ADGRL3: variants seen among roughly 807,000 people sequenced by gnomAD.
ADGRL3 encodes adhesion G protein-coupled receptor L3.
A neutral mutation model predicts 153.5 loss-of-function variants in ADGRL3; 62 were observed. The observed-to-expected ratio is 0.40, with a 90% CI of 0.33 to 0.50. ADGRL3 has a LOEUF of 0.50. Ranked by LOEUF, ADGRL3 falls within the 20% of genes least tolerant of loss-of-function variation. The pLI is 0.47. For missense variants in ADGRL3, 1,641 were observed against 1,859.4 expected (o/e 0.88, Z 2.16); for synonymous variants, 710 against 672.5 (o/e 1.06, Z -0.86).
chr4:61,587,215 T>A lies in ADGRL3; in HGVS notation c.260-12T>A. 1 of 1,584,784 alleles carries A rather than the reference T, an allele frequency of 6.3e-7. No individual in the cohort carries two copies. On this transcript the variant is annotated splice_polypyrimidine_tract_variant and intron_variant, in intron 4 of 26. Coordinates refer to ENST00000683033, the MANE Select transcript of ADGRL3 (RefSeq NM_001387552.1). ...ACGATGGCATCTCTTTTCTTCCTCT[T>A]CCTTTTGGCAGCTTTCAGCCGTGCC...
rs185190845 is a variant in ADGRL3, at chr4:61,401,422, A to G, written c.-174+18233A>G. 6.3e-3 allele frequency among the ~76,000 whole-genome samples: 964 copies of G among 152,118 alleles called. 2 individuals are homozygous for G. The highest frequency in any genetic ancestry group is 0.011 in the Non-Finnish European group (765 of 67,924). ...ATTACATTCCAGTGTGATTTTAAATAAAAATGAAATATTTAGTATGTAATG... is the reference window on the plus strand; with the variant it reads ...ATTACATTCCAGTGTGATTTTAAATGAAAATGAAATATTTAGTATGTAATG... On this transcript the variant is annotated intron_variant, in intron 2 of 26. Coordinates refer to ENST00000683033, the MANE Select transcript of ADGRL3 (RefSeq NM_001387552.1).
chr4:61,516,074 T>C (rs1405784213), intron 3 of ADGRL3, among the ~76,000 whole-genome samples: 1 of 152,156 alleles, frequency 6.6e-6, no homozygotes, highest in African/African-American at 2.4e-5. Context: ...TGTCTCAGAC[T>C]TATATTTTAA....
In ADGRL3 at chr4:61,215,083, A is replaced by G. The variant is rs189706254; in HGVS notation, c.-240+13318A>G. Among the ~76,000 whole-genome samples, 186 of 152,350 alleles carry G rather than the reference A, an allele frequency of 1.2e-3. 3 individuals carry two copies. The highest frequency in any genetic ancestry group is 1.2e-3 in the Non-Finnish European group (79 of 68,028). On this transcript the variant is annotated intron_variant, in intron 1 of 26. Transcript: ENST00000683033. ...TACCTACTGAATTTGATTTCATTGTAGTTCATTCTTTGTTCTGAGAGACTT... is the reference window on the plus strand; with the variant it reads ...TACCTACTGAATTTGATTTCATTGTGGTTCATTCTTTGTTCTGAGAGACTT...
At chr4:61,762,106 A>C (rs562512344) in intron 8 of ADGRL3, among the ~76,000 whole-genome samples, 6 of 152,178 alleles carry the variant, frequency 3.9e-5, no homozygotes, top group Non-Finnish European at 7.3e-5. Flanking sequence ...ATTGTCTGTA[A>C]ATGACAAAAG....
intron 1 of ADGRL3, among the ~76,000 whole-genome samples, chr4:61,369,461 G>C (rs2096476988): frequency 2.0e-5 from 3 of 152,036 alleles, no homozygotes; most frequent in African/African-American, 7.2e-5. Context: ...TTTTGTCAAA[G>C]GCCTTTTCTG....
At chr4:61,822,150 G>A (rs917662128) in intron 9 of ADGRL3, among the ~76,000 whole-genome samples, 6 of 152,164 alleles carry the variant, frequency 3.9e-5, no homozygotes, top group Non-Finnish European at 5.9e-5. Flanking sequence ...GAATACAAAC[G>A]AAACTTGCAT....
chr4:61,995,434 T>C (rs2151028210), intron 19 of ADGRL3, among the ~76,000 whole-genome samples: 1 of 152,280 alleles, frequency 6.6e-6, no homozygotes, highest in African/African-American at 2.4e-5. Flanking sequence ...TCCATGTTTA[T>C]ATTATATAGC....
chr4:61,819,799 ATACT>A (rs1368546880), intron 9 of ADGRL3, among the ~76,000 whole-genome samples: 5 of 152,054 alleles, frequency 3.3e-5, no homozygotes, highest in East Asian at 3.9e-4. Flanking sequence ...GGATTACTTG[ATACT>A]TACTTTTTAT....
intron 1 of ADGRL3, among the ~76,000 whole-genome samples, chr4:61,216,353 GTTTT>G (rs1279976757): frequency 6.6e-6 from 1 of 152,056 alleles, no homozygotes; most frequent in South Asian, 2.1e-4. Flanking sequence ...ATTTGGTATA[GTTTT>G]TTATCTCAGC....
At chr4:61,487,283 A>G (rs2098206333) in intron 2 of ADGRL3, among the ~76,000 whole-genome samples, 2 of 151,962 alleles carry the variant, frequency 1.3e-5, no homozygotes. Flanking sequence ...AAGTTCTTTA[A>G]CTCTCCATCC....
rs187102122 is a variant in ADGRL3 at position 61,547,889 on chromosome 4, C to T, written c.259+30371C>T. Among the ~76,000 whole-genome samples, 5 of 152,120 alleles carry T rather than the reference C, an allele frequency of 3.3e-5. No individual in the cohort carries two copies. The East Asian group carries it at 9.7e-4, about 29-fold the overall frequency. On this transcript the variant is annotated intron_variant, in intron 4 of 26. Transcript: ENST00000683033. Reference sequence around the variant, plus strand: ...TCCACCAAGTGTGTATAAGTGTTCTCTTTTCTCTGCAACCTCCCCAGCATG... The same window carrying T: ...TCCACCAAGTGTGTATAAGTGTTCTTTTTTCTCTGCAACCTCCCCAGCATG...
chr4:61,611,577 G>A (rs2091353155), intron 5 of ADGRL3, among the ~76,000 whole-genome samples: 1 of 152,070 alleles, frequency 6.6e-6, no homozygotes, highest in African/African-American at 2.4e-5. Flanking sequence ...AATATCTTCA[G>A]TAAATATCTT....
chr4:61,542,792 T>G (rs2098696235), intron 4 of ADGRL3, among the ~76,000 whole-genome samples: 1 of 152,162 alleles, frequency 6.6e-6, no homozygotes, highest in Non-Finnish European at 1.5e-5. Context: ...TTTCTTACCA[T>G]TCCTTCACCT....
At chr4:61,813,270 T>C (rs924743610) in intron 8 of ADGRL3, among the ~76,000 whole-genome samples, 1 of 152,168 alleles carries the variant, frequency 6.6e-6, no homozygotes, top group Non-Finnish European at 1.5e-5. Context: ...GGCACACATC[T>C]GTAATCCCAG....
chr4:61,595,609 A>G (rs1259209200), intron 5 of ADGRL3, among the ~76,000 whole-genome samples: 1 of 152,128 alleles, frequency 6.6e-6, no homozygotes. Flanking sequence ...TGTTGCTACA[A>G]GCTACACTGC....
chr4:61,651,014 G>T (rs568397818), intron 5 of ADGRL3, among the ~76,000 whole-genome samples: 55 of 152,198 alleles, frequency 3.6e-4, no homozygotes, highest in Non-Finnish European at 6.2e-4. Flanking sequence ...AAATGACAAA[G>T]AGATTTAAAT....
intron 8 of ADGRL3, among the ~76,000 whole-genome samples, chr4:61,752,749 A>G (rs771402472): frequency 1.3e-5 from 2 of 152,152 alleles, no homozygotes; most frequent in African/African-American, 4.8e-5. Context: ...CCTGGACAAC[A>G]TGGTGAGACC....
chr4:61,978,517 A>G (rs761229351), intron 17 of ADGRL3, among the ~76,000 whole-genome samples: 35 of 152,190 alleles, frequency 2.3e-4, no homozygotes, highest in Non-Finnish European at 4.7e-4. Context: ...CCTTGAAGGA[A>G]AAGAATTGAC....
At position 61,517,472 on chromosome 4, in the gene ADGRL3, A is replaced by C. The variant is rs1033550557; in HGVS notation, c.213A>C (p.Arg71Ser). 4.5e-5 allele frequency: 34 copies of C among 758,720 alleles called. No individual in the cohort carries two copies. The East Asian group carries it at 9.1e-4, about 20-fold the overall frequency. 47.0% of individuals were successfully genotyped at this position (758,720 alleles called of 1,614,324 possible). ...HRGQGPRGAT[R>S]GVRGPGAQGA... The stretch of plus-strand genomic sequence containing the variant: ...GACAAGGGCCCCGTGGAGCTACCAG[A>C]GGAGTTCGCGGTCCAGGTGCCCAAG... The change falls in exon 4 of 27, where the codon AGA (arginine) becomes AGC (serine). Residue 71 changes from arginine (R) to serine (S), a missense_variant. Transcript: ENST00000683033.
Sources: allele counts gnomAD v4.1 joint callset (sites outside exome capture counted in the v4.1 genomes callset), GRCh38; gene constraint gnomAD v4.1.1; transcripts MANE v1.5; gene names NCBI Gene and HGNC (gene_info 2026-07-23, HGNC 2026-07-21).